The following AUTS2 variants were observed in gnomAD, a reference collection of about 807,000 sequenced individuals.
The protein encoded by AUTS2 is activator of transcription and developmental regulator AUTS2.
In AUTS2, 17 loss-of-function variants were observed where a neutral mutation model predicts 112.4. The observed-to-expected ratio is 0.15, with a 90% confidence interval of 0.10 to 0.23. AUTS2 has a LOEUF of 0.23. AUTS2 is among the 10% of genes least tolerant of loss of function. AUTS2 has a pLI of 1.00. For missense variants in AUTS2, 1,510 were observed against 1,701.6 expected, an observed-to-expected ratio of 0.89 and a Z score of 1.98; for synonymous variants, 751 against 702.7, an observed-to-expected ratio of 1.07 and a Z score of -1.09.
At chr7:70,686,731 C>T (rs1261132600) in intron 5 of AUTS2, among the ~76,000 whole-genome samples, 1 of 152,146 alleles carries the variant, frequency 6.6e-6, no homozygotes, top group Admixed American at 6.5e-5. Flanking sequence ...TGGGGTTTTA[C>T]CATGTTGGCC....
intron 4 of AUTS2, among the ~76,000 whole-genome samples, chr7:70,416,054 G>T (rs1794975215): frequency 6.6e-6 from 1 of 152,110 alleles, no homozygotes; most frequent in African/African-American, 2.4e-5. Flanking sequence ...TCCCTGGCTG[G>T]CTCCTTCATA....
intron 4 of AUTS2, among the ~76,000 whole-genome samples, chr7:70,231,749 G>T (rs1400667715): frequency 1.1e-5 from 1 of 93,952 alleles, no homozygotes; most frequent in African/African-American, 4.5e-5. Flanking sequence ...GCCTAGATAT[G>T]AGGTTTTTTT....
chr7:70,265,437 T>C (rs1787371532), intron 4 of AUTS2, among the ~76,000 whole-genome samples: 2 of 152,158 alleles, frequency 1.3e-5, no homozygotes, highest in Admixed American at 1.3e-4. Flanking sequence ...AGTAATATAA[T>C]AAGGAATTAG....
intron 5 of AUTS2, among the ~76,000 whole-genome samples, chr7:70,530,350 G>A (rs1800031242): frequency 6.6e-6 from 1 of 152,134 alleles, no homozygotes; most frequent in African/African-American, 2.4e-5. Flanking sequence ...CAGATAGTCT[G>A]TGGGTGTTAC....
At chr7:70,492,516 G>T (rs1391817140) in intron 5 of AUTS2, among the ~76,000 whole-genome samples, 1 of 152,278 alleles carries the variant, frequency 6.6e-6, no homozygotes, top group East Asian at 1.9e-4. Context: ...TTCTCTTACT[G>T]TATCCTTACC....
chr7:70,240,180 G>A (rs1026370261), intron 4 of AUTS2, among the ~76,000 whole-genome samples: 1 of 152,262 alleles, frequency 6.6e-6, no homozygotes, highest in South Asian at 2.1e-4. Context: ...TATAGAAGGA[G>A]ATTTAATGCA....
intron 2 of AUTS2, among the ~76,000 whole-genome samples, chr7:69,985,227 T>TTAAAA (rs1470693399): frequency 9.6e-6 from 1 of 104,686 alleles, no homozygotes; most frequent in African/African-American, 3.7e-5. Flanking sequence ...GAAGACTCTC[T>TTAAAA]AAAAAAAAAA....
chr7:69,741,956 G>A (rs1163119052), intron 1 of AUTS2, among the ~76,000 whole-genome samples: 2 of 151,828 alleles, frequency 1.3e-5, no homozygotes, highest in Admixed American at 6.6e-5. Context: ...CACCACGCTT[G>A]GCTAATTTAA....
intron 6 of AUTS2, chr7:70,698,941 C>G (rs1277048659): frequency 4.6e-6 from 1 of 215,938 alleles, no homozygotes; most frequent in African/African-American, 2.3e-5. Context: ...TACTTATCAA[C>G]TACCCAGCAA....
chr7:70,691,173 A>G (rs899588701), intron 5 of AUTS2, among the ~76,000 whole-genome samples: 1 of 152,142 alleles, frequency 6.6e-6, no homozygotes, highest in African/African-American at 2.4e-5. Flanking sequence ...TTATTTCTGA[A>G]ATCATTAATC....
intron 4 of AUTS2, among the ~76,000 whole-genome samples, chr7:70,136,296 G>C (rs920562462): frequency 3.9e-5 from 6 of 152,062 alleles, no homozygotes; most frequent in African/African-American, 1.4e-4. Flanking sequence ...CGTATTATTA[G>C]CTTACATGGA....
intron 2 of AUTS2, among the ~76,000 whole-genome samples, chr7:70,035,683 A>G (rs755119753): frequency 1.3e-5 from 2 of 151,936 alleles, no homozygotes; most frequent in Non-Finnish European, 2.9e-5. Flanking sequence ...ATGAAATAAG[A>G]GAATGGAACC....
intron 4 of AUTS2, among the ~76,000 whole-genome samples, chr7:70,233,821 A>C (rs1812180936): frequency 1.3e-5 from 2 of 152,210 alleles, no homozygotes; most frequent in African/African-American, 4.8e-5. Context: ...AAGATGCAGA[A>C]GGCTTGAAAT....
chr7:70,190,492 C>T (rs142541107), intron 4 of AUTS2, among the ~76,000 whole-genome samples: 50 of 152,292 alleles, frequency 3.3e-4, no homozygotes, highest in African/African-American at 9.9e-4. Flanking sequence ...GCCGCATTTT[C>T]GTTGAAGCAA....
At chr7:70,066,539 ATT>A (rs71068013) in intron 2 of AUTS2, among the ~76,000 whole-genome samples, 14 of 137,834 alleles carry the variant, frequency 1.0e-4, no homozygotes, top group African/African-American at 1.6e-4. Context: ...TACCCAGTAA[ATT>A]TTTTTTTTTT....
intron 5 of AUTS2, among the ~76,000 whole-genome samples, chr7:70,669,040 T>C (rs531407861): frequency 3.9e-5 from 6 of 152,264 alleles, no homozygotes; most frequent in Non-Finnish European, 8.8e-5. Context: ...TTGTATTTTC[T>C]TTTCATTGTC....
Position 70,022,744 on chromosome 7 carries a change from G to C in AUTS2, c.523-95388G>C, listed in dbSNP as rs1388325835. The stretch of plus-strand genomic sequence containing the variant: ...GTGGCATTCTTGGTGGATTTGTTGT[G>C]TGCTAGTCAGGTGCTAGGTGCTTTG... On this transcript the variant is annotated intron_variant, in intron 2 of 18. Transcript: ENST00000342771. Among the ~76,000 whole-genome samples, 5 of 152,078 alleles carry C rather than the reference G, an allele frequency of 3.3e-5. No homozygotes were observed. The East Asian group carries it at 9.6e-4, about 29-fold the overall frequency.
At chr7:70,197,585 G>T (rs1483186169) in intron 4 of AUTS2, among the ~76,000 whole-genome samples, 20 of 98,056 alleles carry the variant, frequency 2.0e-4, no homozygotes, top group Admixed American at 1.1e-3. Flanking sequence ...GGTGACGGAC[G>T]CACCTGGAAA....
intron 14 of AUTS2, among the ~76,000 whole-genome samples, chr7:70,780,161 G>C (rs943260851): frequency 6.6e-6 from 1 of 152,150 alleles, no homozygotes; most frequent in Admixed American, 6.5e-5. Context: ...TGCCTTGGGA[G>C]CAGTGCTTAT....
Sources: allele counts gnomAD v4.1 joint callset (sites outside exome capture counted in the v4.1 genomes callset), GRCh38; gene constraint gnomAD v4.1.1; transcripts MANE v1.5; gene names NCBI Gene and HGNC (gene_info 2026-07-23, HGNC 2026-07-21).